Variants in CECR2 observed in about 807,000 individuals in gnomAD.
CECR2 encodes the protein CECR2 histone acetyl-lysine reader.
CECR2 carries 30 observed loss-of-function variants against 154.5 expected under a neutral mutation model. The observed-to-expected ratio is 0.19, with a 90% CI of 0.15 to 0.26. CECR2 has a LOEUF of 0.26. Ranked by LOEUF, CECR2 falls within the 10% of genes least tolerant of loss-of-function variation. The pLI, the probability that CECR2 is intolerant of heterozygous loss-of-function variation, is 1.00. For missense variants in CECR2, 1,743 were observed against 1,829.3 expected (o/e 0.95, Z 0.86); for synonymous variants, 725 against 683.7 (o/e 1.06, Z -0.94).
In CECR2 at chr22:17,451,553, GT is replaced by G. The variant is rs2054771126; in HGVS notation, c.127-26033del. On this transcript the variant is annotated intron_variant, in intron 1 of 18. Coordinates refer to ENST00000262608, the MANE Select transcript of CECR2 (RefSeq NM_001290047.2). Reference sequence around the variant, plus strand: ...AGATAAGAGTTCTTTTCTTTTCTCAGTTCCATGGGGCTTGCTCCATTCCAAC... The same window carrying G: ...AGATAAGAGTTCTTTTCTTTTCTCAGTCCATGGGGCTTGCTCCATTCCAAC... 2.0e-5 allele frequency among the ~76,000 whole-genome samples: 3 copies of G among 152,206 alleles called. No individual in the cohort carries two copies. The South Asian group carries it at 6.2e-4, about 32-fold the overall frequency.
chr22:17,506,802 C>T (rs534809809), intron 7 of CECR2, among the ~76,000 whole-genome samples: 27 of 151,968 alleles, frequency 1.8e-4, no homozygotes, highest in Admixed American at 8.5e-4. Flanking sequence ...TATAGGCGTG[C>T]GCCACCATGC....
At chr22:17,468,327 CTCTGTTGTGAT>C (rs1477921157) in intron 1 of CECR2, among the ~76,000 whole-genome samples, 1 of 152,094 alleles carries the variant, frequency 6.6e-6, no homozygotes, top group Non-Finnish European at 1.5e-5. Flanking sequence ...CTGTGTCTTG[CTCTGTTGTGAT>C]TGTGTTCAAG....
intron 2 of CECR2, among the ~76,000 whole-genome samples, chr22:17,480,459 C>CACACACACACACACACACAG (rs373106595): frequency 2.6e-4 from 37 of 143,840 alleles, no homozygotes; most frequent in Non-Finnish European, 4.3e-4. Flanking sequence ...CACACACACA[C>CACACACACACACACACACAG]AGAGAAAAGT....
upstream of CECR2, among the ~76,000 whole-genome samples, chr22:17,367,251 T>C (rs991586881): frequency 3.3e-5 from 5 of 152,136 alleles, no homozygotes; most frequent in Admixed American, 6.5e-5. Context: ...ATCTCATCCC[T>C]CTGCTTGCTG....
chr22:17,537,798 G>A (rs573573615), intron 10 of CECR2, among the ~76,000 whole-genome samples: 21 of 152,148 alleles, frequency 1.4e-4, no homozygotes, highest in Non-Finnish European at 2.8e-4. Context: ...TTCGAGACCA[G>A]CCTGGCCAAT....
At chr22:17,463,658 T>C (rs148976497) in intron 1 of CECR2, among the ~76,000 whole-genome samples, 151 of 152,212 alleles carry the variant, frequency 9.9e-4, no homozygotes, top group African/African-American at 3.6e-3. Context: ...AAGCTCGGTT[T>C]GGTTCTGTTA....
In CECR2 at chr22:17,500,578, T is replaced by G. The variant is rs112455243; in HGVS notation, c.546-53T>G. On this transcript the variant is annotated intron_variant, in intron 4 of 18. Transcript: ENST00000262608. ...CCAGAAATACTGTTTTAAAATCATATGTAGCAATGCCAATCCTGTGCCAGA... is the reference window on the plus strand; with the variant it reads ...CCAGAAATACTGTTTTAAAATCATAGGTAGCAATGCCAATCCTGTGCCAGA... 510 of 1,273,824 alleles carry G rather than the reference T, an allele frequency of 4.0e-4. 1 individual carries two copies. In the African/African-American group the frequency reaches 6.3e-3, roughly 16 times the overall value. The allele number at this position is 1,273,824 out of a possible 1,614,324, so 78.9% of individuals were successfully genotyped here. A position where few individuals can be genotyped will look rare whatever the true frequency, so the allele number is the denominator to read the frequency against.
intron 1 of CECR2, among the ~76,000 whole-genome samples, chr22:17,395,960 C>T (rs1432516580): frequency 6.6e-6 from 1 of 152,010 alleles, no homozygotes; most frequent in Non-Finnish European, 1.5e-5. Flanking sequence ...TATTTTGAGA[C>T]CAGGCGTTTT....
rs781468489 is a variant in CECR2, at chr22:17,477,670, G to A, written c.209G>A (p.Arg70Gln). The change falls in exon 2 of 19, where the codon CGA becomes CAA. Residue 70 changes from arginine (R) to glutamine (Q), a missense_variant. By Grantham distance (43) the Arg-to-Gln change is conservative. This residue lies in a region of CECR2 where 98 missense variants were observed against 169.3 expected (regional missense o/e 0.58). Coordinates refer to ENST00000262608, the MANE Select transcript of CECR2 (RefSeq NM_001290047.2). ...TGCCTGCTTCAGGGCTGCTATCAACGAAGAGATATCACGTGAGTAATTCTG... is the reference window on the plus strand; with the variant it reads ...TGCCTGCTTCAGGGCTGCTATCAACAAAGAGATATCACGTGAGTAATTCTG... ...IACLLQGCYQRRDITPQTFHS... is the reference protein window; with the variant it reads ...IACLLQGCYQQRDITPQTFHS... 4.4e-6 allele frequency: 7 copies of A among 1,606,704 alleles called. No individual in the cohort carries two copies. The highest frequency in any genetic ancestry group is 6.0e-6 in the Non-Finnish European group (7 of 1,173,344).
At chr22:17,420,554 G>A (rs2054230480) in intron 1 of CECR2, among the ~76,000 whole-genome samples, 1 of 152,050 alleles carries the variant, frequency 6.6e-6, no homozygotes, top group African/African-American at 2.4e-5. Context: ...AGCTTACTTG[G>A]TTAGTGTGTT....
At chr22:17,408,607 A>G (rs887118593) in intron 1 of CECR2, among the ~76,000 whole-genome samples, 3 of 152,194 alleles carry the variant, frequency 2.0e-5, no homozygotes, top group African/African-American at 4.8e-5. Context: ...CAGGTCCTGC[A>G]TTAGTGTCCT....
At chr22:17,365,513 T>C (rs1320035431), upstream of CECR2, among the ~76,000 whole-genome samples, 1 of 151,092 alleles carries the variant, frequency 6.6e-6, no homozygotes, top group Non-Finnish European at 1.5e-5. Context: ...GCTAACACGG[T>C]GAAACCCCGT....
At chr22:17,431,955 T>A (rs1476147091) in intron 1 of CECR2, among the ~76,000 whole-genome samples, 1 of 152,194 alleles carries the variant, frequency 6.6e-6, no homozygotes, top group African/African-American at 2.4e-5. Flanking sequence ...TTTTTCCCCA[T>A]CCTCTGGAAA....
intron 8 of CECR2, 52 bp downstream of exon 8, chr22:17,511,948 A>G: frequency 7.4e-7 from 1 of 1,355,444 alleles, no homozygotes; most frequent in East Asian, 2.4e-5. Context: ...AAAGAGACGG[A>G]TCCTTTTCAT....
In CECR2 at chr22:17,540,608, C is replaced by T; in HGVS notation, c.1692C>T (p.Ser564=). 2 of 1,613,746 alleles carry T rather than the reference C, an allele frequency of 1.2e-6. No individual in the cohort carries two copies. Among genetic ancestry groups the T allele is most frequent in the Non-Finnish European group, 1.7e-6 (2 of 1,179,800 alleles). ...GCTCCAGGGACCCAGAAGGGTCCAG[C>T]AGGAAACAGCAGCCCATGGAGAATG... The part of the protein sequence containing the change: ...WTRSRDPEGS[S]RKQQPMENGG... Residue 564 remains serine, a synonymous_variant, in exon 14 of 19, where the codon AGC becomes AGT. Transcript: ENST00000262608.
intron 1 of CECR2, among the ~76,000 whole-genome samples, chr22:17,420,019 T>C (rs1297069388): frequency 6.6e-6 from 1 of 152,174 alleles, no homozygotes; most frequent in African/African-American, 2.4e-5. Context: ...AGCAGAGTTG[T>C]AGAGGGGAGG....
chr22:17,368,672 C>A (rs377419468), upstream of CECR2, among the ~76,000 whole-genome samples: 1 of 152,198 alleles, frequency 6.6e-6, no homozygotes, highest in Non-Finnish European at 1.5e-5. Flanking sequence ...CCCATCCCCC[C>A]GCCTTCCAAG....
chr22:17,437,694 T>G (rs919517255), intron 1 of CECR2, among the ~76,000 whole-genome samples: 9 of 152,096 alleles, frequency 5.9e-5, no homozygotes, highest in African/African-American at 2.2e-4. Flanking sequence ...GGTGTCACAC[T>G]GTTGACCATA....
At chr22:17,508,636 G>A (rs372146989) in intron 7 of CECR2, among the ~76,000 whole-genome samples, 10 of 151,956 alleles carry the variant, frequency 6.6e-5, no homozygotes, top group Non-Finnish European at 8.8e-5. Flanking sequence ...ACACTACATC[G>A]TCTAGGGTTG....
Sources: allele counts gnomAD v4.1 joint callset (sites outside exome capture counted in the v4.1 genomes callset), GRCh38; gene constraint gnomAD v4.1.1; regional missense constraint gnomAD v4.1.1; transcripts MANE v1.5; gene names NCBI Gene and HGNC (gene_info 2026-07-23, HGNC 2026-07-21).